FAM149A: variants seen among roughly 807,000 people sequenced by gnomAD.
The protein encoded by FAM149A is protein FAM149A.
FAM149A carries 71 observed loss-of-function variants against 78.2 expected under a neutral mutation model. That is an observed-to-expected ratio of 0.91 (90% CI 0.75 to 1.11). The LOEUF (loss-of-function observed/expected upper bound fraction) is 1.11, where lower values mean the gene tolerates loss of function less well. FAM149A is among the 50% of genes least tolerant of loss of function. The probability of loss-of-function intolerance (pLI) is 0.00; values close to 1 mark genes in which losing one functional copy is unlikely to be tolerated. For missense variants in FAM149A, 1,036 were observed against 971.0 expected (o/e 1.07, Z -0.89); for synonymous variants, 446 against 410.5 (o/e 1.09, Z -1.04).
Position 186,156,134 on chromosome 4 carries a change from A to C in FAM149A, c.1364A>C (p.Asn455Thr). 6.2e-7 allele frequency: 1 copy of C among 1,613,624 alleles called. No homozygotes were observed. The highest frequency in any genetic ancestry group is 8.5e-7 in the Non-Finnish European group (1 of 1,179,794). The change falls in exon 7 of 14, where the codon AAT becomes ACT. Residue 455 changes from asparagine (N) to threonine (T), a missense_variant. Transcript: ENST00000389354. ...GAAGTGTTTGATCACGTCTGGACAA[A>C]TATGGTAGAACTTTTGGAAGAGCTG...
intron 8 of FAM149A, chr4:186,158,838 G>T: frequency 1.0e-6 from 1 of 991,894 alleles, no homozygotes; most frequent in East Asian, 1.1e-4. Flanking sequence ...CAACCACTGA[G>T]CGGTCTCAAG....
In FAM149A at chr4:186,167,113, C is replaced by T. The variant is rs1735108003; in HGVS notation, c.2139+17C>T. 6.2e-7 allele frequency: 1 copy of T among 1,604,950 alleles called. No homozygotes were observed. ...ACGTTCCGGGTGGGTTCTCTGTTTC[C>T]TGTAACTTTAATTTTGAAAAACATT... On this transcript the variant is annotated intron_variant, in intron 12 of 13. Transcript: ENST00000389354.
chr4:186,109,401 C>CT, intron 1 of FAM149A: 1 of 850,182 alleles, frequency 1.2e-6, no homozygotes, highest in South Asian at 5.4e-5. Context: ...GTCAGCATGG[C>CT]TGGCAGTAAA....
chr4:186,162,766 C>T (rs1018858946), intron 8 of FAM149A, 79 bp from the exon 9 acceptor site: 20 of 724,638 alleles, frequency 2.8e-5, no homozygotes, highest in Non-Finnish European at 4.4e-5. Context: ...CTGCTGATTT[C>T]GGACAAGCAT....
Position 186,173,637 on chromosome 4 carries a change from G to A in FAM149A, c.*1650G>A, listed in dbSNP as rs143624096. ...CTCCCAAAGTGCTGGGATTATAGGC[G>A]TGAGCTTCCGCGCCTGGCCAGCTGA... On this transcript the variant is annotated 3_prime_UTR_variant, in exon 14 of 14. Coordinates refer to ENST00000389354, the MANE Select transcript of FAM149A (RefSeq NM_001367768.3). Among the ~76,000 whole-genome samples the A allele has an allele frequency of 6.9e-3, 765 of 111,266 alleles. 173 individuals carry two copies. Among genetic ancestry groups the A allele is most frequent in the African/African-American group, 0.021 (732 of 35,520 alleles). The allele number at this position is 111,266 out of a possible 152,430, so 73.0% of individuals were successfully genotyped here.
At chr4:186,119,941 C>CA (rs1016225099) in intron 1 of FAM149A, among the ~76,000 whole-genome samples, 4 of 152,062 alleles carry the variant, frequency 2.6e-5, no homozygotes, top group Admixed American at 2.0e-4. Context: ...TAAATTAATG[C>CA]AAAAAATTGA....
intron 1 of FAM149A, chr4:186,116,282 C>T (rs1269090578): frequency 2.2e-5 from 4 of 180,118 alleles, no homozygotes; most frequent in Non-Finnish European, 4.2e-5. Flanking sequence ...CACTGACCTG[C>T]GCCCACTGTC....
rs1463967289 is a variant in FAM149A at position 186,160,155 on chromosome 4, ACACG to A, written c.1575+2440_1575+2443del. ...CAAACACATACCACATACACACACT[ACACG>A]CACACACACCACACACCAAACACAT... On this transcript the variant is annotated intron_variant, in intron 8 of 13. Transcript: ENST00000389354. 6.3e-3 allele frequency among the ~76,000 whole-genome samples: 824 copies of A among 130,930 alleles called. 16 individuals carry two copies. The highest frequency in any genetic ancestry group is 0.023 in the African/African-American group (776 of 34,232). The allele number at this position is 130,930 out of a possible 152,430, so 85.9% of individuals were successfully genotyped here. A position where few individuals can be genotyped will look rare whatever the true frequency, so the allele number is the denominator to read the frequency against.
chr4:186,146,739 C>A (rs1231404477), intron 1 of FAM149A: 3 of 959,270 alleles, frequency 3.1e-6, no homozygotes, highest in Non-Finnish European at 3.7e-6. Flanking sequence ...AGAGCTGTGA[C>A]TTTTTAACGA....
rs1735662059 is a variant in FAM149A, at chr4:186,174,385, A to AGCCATGCCT, written c.*2399_*2407dup. Among the ~76,000 whole-genome samples the AGCCATGCCT allele has an allele frequency of 9.0e-6, 1 of 111,274 alleles. No homozygotes were observed. Among genetic ancestry groups the AGCCATGCCT allele is most frequent in the South Asian group, 2.8e-4 (1 of 3,592 alleles). 73.0% of individuals were successfully genotyped at this position (111,274 alleles called of 152,430 possible). A position where few individuals can be genotyped will look rare whatever the true frequency, so the allele number is the denominator to read the frequency against. ...GCTAAGGATAATGACTTCCAGCTCC[A>AGCCATGCCT]GCCATGCCTCTGCAAAGGACATAAT... On this transcript the variant is annotated 3_prime_UTR_variant, in exon 14 of 14. Coordinates refer to ENST00000389354, the MANE Select transcript of FAM149A (RefSeq NM_001367768.3).
At chr4:186,171,638 G>T (rs1371146561) in intron 13 of FAM149A, among the ~76,000 whole-genome samples, 1 of 152,072 alleles carries the variant, frequency 6.6e-6, no homozygotes, top group Non-Finnish European at 1.5e-5. Context: ...AGCCTCCTGG[G>T]CCAGGACCCG....
chr4:186,151,846 A>G (rs2276913), intron 3 of FAM149A, 57 bp from the exon 4 acceptor site: 1,384,268 of 1,592,058 alleles, frequency 0.87, 602,700 homozygotes, highest in Non-Finnish European at 0.88. Flanking sequence ...GCGTTGATCC[A>G]GAAGCCCGCA....
chr4:186,113,966 G>A (rs372093576), intron 1 of FAM149A, among the ~76,000 whole-genome samples: 4 of 150,780 alleles, frequency 2.7e-5, no homozygotes, highest in Admixed American at 6.6e-5. Flanking sequence ...TTTCTGTCTC[G>A]TTGATCTGTC....
chr4:186,109,104 C>T, intron 1 of FAM149A: 1 of 840,472 alleles, frequency 1.2e-6, no homozygotes, highest in Non-Finnish European at 1.4e-6. Flanking sequence ...GCCTCGGCCT[C>T]CCGAAGTGCT....
intron 1 of FAM149A, chr4:186,117,881 G>T: frequency 1.0e-6 from 1 of 979,006 alleles, no homozygotes; most frequent in Non-Finnish European, 1.2e-6. Flanking sequence ...TCCCAAGACC[G>T]GCAACACATA....
At chr4:186,158,148 A>G (rs1278383607) in intron 8 of FAM149A, 4 of 1,286,378 alleles carry the variant, frequency 3.1e-6, no homozygotes, top group Non-Finnish European at 4.0e-6. Flanking sequence ...ACTGGCCGGC[A>G]GGCTGTGCTG....
chr4:186,171,685 G>A (rs537526054), intron 13 of FAM149A, among the ~76,000 whole-genome samples: 14 of 152,284 alleles, frequency 9.2e-5, no homozygotes, highest in Non-Finnish European at 1.8e-4. Context: ...CCACCAGCTC[G>A]GGAGGACGCG....
rs140890913 is a variant in FAM149A at position 186,138,521 on chromosome 4, C to T, written c.567-10652C>T. Among the ~76,000 whole-genome samples the T allele has an allele frequency of 2.0e-3, 304 of 152,296 alleles. 1 individual carries two copies. Among genetic ancestry groups the T allele is most frequent in the African/African-American group, 6.8e-3 (284 of 41,540 alleles). On this transcript the variant is annotated intron_variant, in intron 1 of 13. Transcript: ENST00000389354. Reference sequence around the variant, plus strand: ...GTCACCACCAGTTTTCCCCAGTGCCCTTCCTCTCCTCCAGGGTCCACTTGA... The same window carrying T: ...GTCACCACCAGTTTTCCCCAGTGCCTTTCCTCTCCTCCAGGGTCCACTTGA...
chr4:186,153,536 A>C, intron 4 of FAM149A, 109 bp from the exon 5 acceptor site: 1 of 1,510,586 alleles, frequency 6.6e-7, no homozygotes, highest in South Asian at 1.3e-5. Context: ...TCCCATACAC[A>C]TCTTATCATA....
Sources: allele counts gnomAD v4.1 joint callset (sites outside exome capture counted in the v4.1 genomes callset), GRCh38; gene constraint gnomAD v4.1.1; transcripts MANE v1.5; gene names NCBI Gene and HGNC (gene_info 2026-07-23, HGNC 2026-07-21).